The following AK7 variants were observed in gnomAD, a reference collection of about 807,000 sequenced individuals.
AK7 encodes the protein ATP-AMP transphosphorylase 7.
AK7 carries 78 observed loss-of-function variants against 96.6 expected under a neutral mutation model. The ratio of observed to expected loss-of-function variants is 0.81; its 90% CI spans 0.67 to 0.97. AK7 has a LOEUF of 0.97. Among genes scored for constraint, AK7 ranks in the 50% least tolerant of loss-of-function variants. The pLI, the probability that AK7 is intolerant of heterozygous loss-of-function variation, is 0.00. For synonymous variants in AK7, 302 were observed against 317.2 expected (o/e 0.95, Z 0.51); for missense variants, 855 against 887.9 (o/e 0.96, Z 0.47).
rs1045788618 is a variant in AK7 at position 96,456,284 on chromosome 14, C to T, written c.1099-63C>T. ...AAAGCACTCCCCTGAAATAAAAAAC[C>T]ACTCTGTCTAGCTACAGATCATTCA... On this transcript the variant is annotated intron_variant, in intron 10 of 17. Coordinates refer to ENST00000267584, the MANE Select transcript of AK7 (RefSeq NM_152327.5). 2.4e-6 allele frequency: 3 copies of T among 1,254,872 alleles called. No homozygotes were observed. The African/African-American group carries it at 4.7e-5, about 19-fold the overall frequency. 77.7% of individuals were successfully genotyped at this position (1,254,872 alleles called of 1,614,324 possible).
intron 1 of AK7, among the ~76,000 whole-genome samples, chr14:96,394,222 G>A (rs1047780485): frequency 5.3e-5 from 8 of 152,186 alleles, no homozygotes; most frequent in African/African-American, 1.9e-4. Context: ...TAGGAATAGG[G>A]TTGGCGGTTT....
At chr14:96,465,119 A>T (rs1356197473) in intron 12 of AK7, among the ~76,000 whole-genome samples, 1 of 152,236 alleles carries the variant, frequency 6.6e-6, no homozygotes, top group Non-Finnish European at 1.5e-5. Context: ...CTTGCTTTCA[A>T]GAATAATGCA....
At chr14:96,403,024 G>A (rs1438871504) in intron 2 of AK7, among the ~76,000 whole-genome samples, 1 of 151,894 alleles carries the variant, frequency 6.6e-6, no homozygotes, top group East Asian at 1.9e-4. Context: ...CTGAGGCAGG[G>A]AGAATTGCTT....
At chr14:96,419,784 CTTTTCTTT>C (rs1188256619) in intron 4 of AK7, among the ~76,000 whole-genome samples, 1 of 101,714 alleles carries the variant, frequency 9.8e-6, no homozygotes, top group Non-Finnish European at 1.8e-5. Flanking sequence ...TTTTTTCTTT[CTTTTCTTT>C]TTTTTTTTTT....
chr14:96,482,453 A>G (rs1177426693), intron 15 of AK7, among the ~76,000 whole-genome samples: 2 of 151,502 alleles, frequency 1.3e-5, no homozygotes, highest in Non-Finnish European at 2.9e-5. Flanking sequence ...CTCAGTATTT[A>G]TCAATACACC....
intron 12 of AK7, among the ~76,000 whole-genome samples, chr14:96,464,522 G>A (rs1290707603): frequency 8.6e-5 from 11 of 128,446 alleles, no homozygotes; most frequent in African/African-American, 3.2e-4. Context: ...TCCAGCCTGG[G>A]TGACAGAGCA....
At chr14:96,392,883 C>G (rs139857399) in intron 1 of AK7, among the ~76,000 whole-genome samples, 3,268 of 152,154 alleles carry the variant, frequency 0.021, 128 homozygotes, top group African/African-American at 0.074. Context: ...AGGATGGTCT[C>G]GATCGATCTC....
At chr14:96,458,274 T>C (rs1894049826) in intron 12 of AK7, 62 bp downstream of exon 12, 25 of 1,570,696 alleles carry the variant, frequency 1.6e-5, no homozygotes, top group Non-Finnish European at 2.1e-5. Flanking sequence ...TTTAAAAATC[T>C]GGTTATAAAA....
chr14:96,468,418 C>A (rs1348102713), intron 12 of AK7, among the ~76,000 whole-genome samples: 2 of 151,542 alleles, frequency 1.3e-5, no homozygotes, highest in African/African-American at 4.9e-5. Flanking sequence ...ACCTCAGCCT[C>A]CCGAGTAGCT....
chr14:96,472,018 G>A (rs193234751), intron 13 of AK7, among the ~76,000 whole-genome samples: 1 of 151,970 alleles, frequency 6.6e-6, no homozygotes, highest in East Asian at 1.9e-4. Context: ...CCCAGCCCCT[G>A]GCAACCACCA....
chr14:96,400,600 C>G (rs866348377), intron 2 of AK7, among the ~76,000 whole-genome samples: 2 of 152,216 alleles, frequency 1.3e-5, no homozygotes, highest in Non-Finnish European at 2.9e-5. Context: ...TATCTTCAGG[C>G]TGGCAGTAAG....
Position 96,413,388 on chromosome 14 carries a change from G to T in AK7, c.498+4447G>T, listed in dbSNP as rs555870368. Among the ~76,000 whole-genome samples, 7 of 152,282 alleles carry T rather than the reference G, an allele frequency of 4.6e-5. No individual in the cohort carries two copies. The South Asian group carries it at 1.5e-3, about 32-fold the overall frequency. ...GCTCCCAACTGGGTTTGGCCAGTGG[G>T]GCTCACTGGTGAGAGGATAGGGGAA... is the stretch of plus-strand genomic sequence containing the variant. On this transcript the variant is annotated intron_variant, in intron 4 of 17. Transcript: ENST00000267584.
At chr14:96,393,924 C>T (rs1180591515) in intron 1 of AK7, among the ~76,000 whole-genome samples, 3 of 152,038 alleles carry the variant, frequency 2.0e-5, no homozygotes, top group Admixed American at 6.6e-5. Flanking sequence ...GCCTGGCCAA[C>T]ATAGTGAAAC....
Position 96,489,147 on chromosome 14 carries a change from T to C in AK7, c.*804T>C, listed in dbSNP as rs1055994609. On this transcript the variant is annotated 3_prime_UTR_variant, in exon 18 of 18. Transcript: ENST00000267584. Reference sequence around the variant, plus strand: ...TATCTCTTTAAATAATGTAACCTAATATAACTGCCCGACTTTTTATTTGTG... The same window carrying C: ...TATCTCTTTAAATAATGTAACCTAACATAACTGCCCGACTTTTTATTTGTG... 1 of 152,210 alleles carries C rather than the reference T, an allele frequency of 6.6e-6. No homozygotes were observed. Among genetic ancestry groups the C allele is most frequent in the Non-Finnish European group, 1.5e-5 (1 of 68,028 alleles). The allele number at this position is 152,210 out of a possible 1,614,324, so 9.4% of individuals were successfully genotyped here.
At chr14:96,472,015 C>T (rs563021191) in intron 13 of AK7, among the ~76,000 whole-genome samples, 8 of 152,198 alleles carry the variant, frequency 5.3e-5, no homozygotes, top group Admixed American at 5.2e-4. Flanking sequence ...CTCCCCAGCC[C>T]CTGGCAACCA....
intron 16 of AK7, among the ~76,000 whole-genome samples, chr14:96,483,913 A>G (rs996662738): frequency 6.6e-5 from 10 of 151,950 alleles, no homozygotes; most frequent in African/African-American, 1.9e-4. Context: ...CACTGAATCT[A>G]GTAAGTGATT....
At chr14:96,481,798 G>A (rs28711146) in intron 15 of AK7, among the ~76,000 whole-genome samples, 5 of 149,194 alleles carry the variant, frequency 3.4e-5, no homozygotes, top group Admixed American at 1.3e-4. Flanking sequence ...TCTGCTTCCC[G>A]GGTTCAAGTG....
chr14:96,485,272 C>G (rs1009442908), intron 16 of AK7, among the ~76,000 whole-genome samples: 1 of 152,104 alleles, frequency 6.6e-6, no homozygotes, highest in East Asian at 1.9e-4. Flanking sequence ...TCTCATGTTG[C>G]GTATTTTCTT....
At chr14:96,424,052 C>A (rs897852438) in intron 5 of AK7, 1 of 731,474 alleles carries the variant, frequency 1.4e-6, no homozygotes, top group Admixed American at 1.8e-5. Context: ...TCAAGACCAT[C>A]CCACGAAATG....
Sources: gnomAD v4.1 joint callset for allele counts (sites outside exome capture counted in the v4.1 genomes callset) on GRCh38, gnomAD v4.1.1 for gene constraint, MANE v1.5 for transcripts, NCBI Gene and HGNC (gene_info 2026-07-23, HGNC 2026-07-21) for gene names.